ABI3BP: variants seen among roughly 807,000 people sequenced by gnomAD.
ABI3BP encodes the protein ABI family member 3 binding protein, also known as target of Nesh-SH3.
ABI3BP carries 216 observed loss-of-function variants against 268.6 expected under a neutral mutation model. That is an observed-to-expected ratio of 0.80 (90% CI 0.72 to 0.90). The LOEUF (loss-of-function observed/expected upper bound fraction) is 0.90, where lower values mean the gene tolerates loss of function less well. Among genes scored for constraint, ABI3BP ranks in the 40% least tolerant of loss-of-function variants. The pLI is 0.00. For missense variants in ABI3BP, 2,090 were observed against 2,182.4 expected (o/e 0.96, Z 0.84); for synonymous variants, 730 against 730.0 (o/e 1.00, Z 0.00).
At chr3:100,973,924 G>A (rs967659867) in intron 1 of ABI3BP, among the ~76,000 whole-genome samples, 1 of 152,090 alleles carries the variant, frequency 6.6e-6, no homozygotes, top group Non-Finnish European at 1.5e-5. Flanking sequence ...ATGAGTTTCA[G>A]CAAATTAATT....
At chr3:100,889,522 G>T (rs898264300) in intron 4 of ABI3BP, among the ~76,000 whole-genome samples, 1 of 152,070 alleles carries the variant, frequency 6.6e-6, no homozygotes, top group African/African-American at 2.4e-5. Context: ...CTTGTCAAAC[G>T]TTAGTTGACC....
intron 48 of ABI3BP, among the ~76,000 whole-genome samples, 186 bp from the exon 49 acceptor site, chr3:100,810,663 T>G (rs1307433008): frequency 2.0e-5 from 3 of 152,140 alleles, no homozygotes; most frequent in Non-Finnish European, 4.4e-5. Flanking sequence ...AGATGCAGCT[T>G]ACAAAGTACT....
chr3:100,928,772 G>A (rs1179393820), intron 1 of ABI3BP, among the ~76,000 whole-genome samples: 1 of 152,110 alleles, frequency 6.6e-6, no homozygotes, highest in African/African-American at 2.4e-5. Flanking sequence ...TTAAAAGTGG[G>A]TCAAAACTAG....
intron 63 of ABI3BP, among the ~76,000 whole-genome samples, chr3:100,765,249 GAAC>G (rs2096221383): frequency 6.6e-6 from 1 of 152,088 alleles, no homozygotes; most frequent in African/African-American, 2.4e-5. Context: ...ACAGCAATAT[GAAC>G]AACCTGGTAT....
In ABI3BP at chr3:100,946,020, G is replaced by A. The variant is rs559385763; in HGVS notation, c.80-19539C>T. On this transcript the variant is annotated intron_variant, in intron 1 of 67. Coordinates refer to ENST00000471714, the MANE Select transcript of ABI3BP (RefSeq NM_001375547.2). Reference sequence around the variant, plus strand: ...GTTTTATCAATGTCACTAAATATACGTTAGATAATAAAATTAATTATTTTA... The same window carrying A: ...GTTTTATCAATGTCACTAAATATACATTAGATAATAAAATTAATTATTTTA... 2.0e-4 allele frequency among the ~76,000 whole-genome samples: 30 copies of A among 152,122 alleles called. 1 individual carries two copies. The South Asian group carries it at 2.5e-3, about 13-fold the overall frequency.
chr3:100,762,014 A>G (rs780541216), intron 63 of ABI3BP, among the ~76,000 whole-genome samples: 3 of 152,236 alleles, frequency 2.0e-5, no homozygotes, highest in Non-Finnish European at 4.4e-5. Context: ...GCTATAATTC[A>G]AAGTTTATCT....
chr3:100,822,555 C>T (rs1367806396), intron 38 of ABI3BP, 34 bp downstream of exon 38: 3 of 1,519,520 alleles, frequency 2.0e-6, no homozygotes, highest in Non-Finnish European at 2.7e-6. Flanking sequence ...GCTTAGGCTG[C>T]AGGGACTCTT....
chr3:100,867,251 T>C (rs889866739), intron 9 of ABI3BP, among the ~76,000 whole-genome samples: 7 of 152,240 alleles, frequency 4.6e-5, no homozygotes, highest in African/African-American at 1.4e-4. Context: ...CAAAGTCATC[T>C]GATTGATAAA....
At chr3:100,829,749 TTC>T in intron 32 of ABI3BP, 85 bp from the exon 33 acceptor site, 1 of 1,058,302 alleles carries the variant, frequency 9.4e-7, no homozygotes, top group African/African-American at 1.6e-5. Context: ...ATTTCTTGAC[TTC>T]CAAGAAATGT....
chr3:100,825,964 G>C, intron 34 of ABI3BP, 120 bp from the exon 35 acceptor site: 2 of 753,220 alleles, frequency 2.7e-6, no homozygotes, highest in South Asian at 3.2e-5. Flanking sequence ...TTTCTGGGAA[G>C]GGCATTAGGA....
At chr3:100,882,234 G>A (rs962516342) in intron 6 of ABI3BP, among the ~76,000 whole-genome samples, 1 of 151,980 alleles carries the variant, frequency 6.6e-6, no homozygotes, top group Non-Finnish European at 1.5e-5. Context: ...TTGAAGTATT[G>A]CCTTCTAAGA....
At chr3:100,751,937 A>G (rs2095353563) in intron 66 of ABI3BP, among the ~76,000 whole-genome samples, 1 of 152,142 alleles carries the variant, frequency 6.6e-6, no homozygotes, top group Non-Finnish European at 1.5e-5. Flanking sequence ...ATAAAATCCA[A>G]AGTTCTTACC....
intron 2 of ABI3BP, chr3:100,911,305 G>A (rs922645190): frequency 1.1e-5 from 3 of 283,560 alleles, no homozygotes; most frequent in Admixed American, 4.3e-5. Context: ...CACAACACAC[G>A]AATGAAGAAA....
In ABI3BP at chr3:100,750,404, A is replaced by C. The variant is rs1294446478; in HGVS notation, c.*91T>G. 1.0e-6 allele frequency: 1 copy of C among 965,120 alleles called. No homozygotes were observed. Among genetic ancestry groups the C allele is most frequent in the Admixed American group, 2.1e-5 (1 of 46,858 alleles). 59.8% of individuals were successfully genotyped at this position (965,120 alleles called of 1,614,324 possible). ...AATTAGATTGTAGACTTTTATACAT[A>C]GTAAACAAAATAGCTTTAAATGAAT... On this transcript the variant is annotated 3_prime_UTR_variant, in exon 68 of 68. Coordinates refer to ENST00000471714, the MANE Select transcript of ABI3BP (RefSeq NM_001375547.2).
At chr3:100,919,605 G>C (rs1272127771) in intron 2 of ABI3BP, among the ~76,000 whole-genome samples, 1 of 152,154 alleles carries the variant, frequency 6.6e-6, no homozygotes, top group Non-Finnish European at 1.5e-5. Flanking sequence ...ATGTTTCACT[G>C]TGAAATAAAG....
intron 2 of ABI3BP, chr3:100,911,600 G>T (rs1027418161): frequency 1.9e-4 from 128 of 677,396 alleles, no homozygotes; most frequent in Admixed American, 3.0e-4. Context: ...ATTTAGAGCT[G>T]TGTGTTTTTA....
intron 64 of ABI3BP, 53 bp from the exon 65 acceptor site, chr3:100,753,901 T>C: frequency 6.5e-7 from 1 of 1,550,290 alleles, no homozygotes. Context: ...ACCCCAACAT[T>C]CCAGTGGCAT....
At chr3:100,914,963 G>A (rs962641192) in intron 2 of ABI3BP, among the ~76,000 whole-genome samples, 16 of 152,162 alleles carry the variant, frequency 1.1e-4, no homozygotes, top group Non-Finnish European at 2.2e-4. Flanking sequence ...TTTCACCCAC[G>A]GCTGACTACA....
intron 2 of ABI3BP, among the ~76,000 whole-genome samples, chr3:100,905,223 C>G (rs1027578240): frequency 3.9e-5 from 6 of 152,036 alleles, no homozygotes; most frequent in East Asian, 1.9e-4. Context: ...AGAACACATG[C>G]ACACAGGAAG....
Sources: gnomAD v4.1 joint callset for allele counts (sites outside exome capture counted in the v4.1 genomes callset) on GRCh38, gnomAD v4.1.1 for gene constraint, MANE v1.5 for transcripts, NCBI Gene and HGNC (gene_info 2026-07-23, HGNC 2026-07-21) for gene names.